The following IRF8 variants were observed in gnomAD, a reference collection of about 807,000 sequenced individuals.
IRF8 encodes interferon consensus sequence binding protein 1.
IRF8 carries 14 observed loss-of-function variants against 48.7 expected under a neutral mutation model. That is an observed-to-expected ratio of 0.29 (90% confidence interval 0.19 to 0.45). IRF8 has a LOEUF of 0.45. Ranked by LOEUF, IRF8 falls within the 20% of genes least tolerant of loss-of-function variation. IRF8 has a pLI of 1.00. For missense variants in IRF8, 493 were observed against 580.7 expected, an observed-to-expected ratio of 0.85 and a Z score of 1.55; for synonymous variants, 278 against 227.3, an observed-to-expected ratio of 1.22 and a Z score of -2.01.
intron 6 of IRF8, among the ~76,000 whole-genome samples, chr16:85,916,389 T>A (rs748408229): frequency 1.3e-5 from 2 of 152,208 alleles, no homozygotes; most frequent in Non-Finnish European, 2.9e-5. Flanking sequence ...CCAGCAAGGC[T>A]GTTCTTGTGG....
At position 85,911,638 on chromosome 16, in the gene IRF8, A is replaced by G. The variant is rs751479059; in HGVS notation, c.427A>G (p.Ile143Val). The change falls in exon 4 of 9, where the codon ATC becomes GTC. Residue 143 changes from isoleucine to valine, a missense_variant. By Grantham distance (29) the Ile-to-Val change is conservative. Transcript: ENST00000268638. ...VTEMECGRSE[I>V]DELIKEPSVD... is the part of the protein sequence containing the mutation. ...AGAGATGGAGTGCGGTCGCTCTGAA[A>G]TCGACGAGCTGATCAAGGAGGTAAG... is the stretch of plus-strand genomic sequence containing the variant. 3 of 1,613,972 alleles carry G rather than the reference A, an allele frequency of 1.9e-6. No homozygotes were observed. The highest frequency in any genetic ancestry group is 1.1e-5 in the South Asian group (1 of 91,068).
chr16:85,901,864 G>T (rs565927336), intron 1 of IRF8, among the ~76,000 whole-genome samples: 3 of 151,894 alleles, frequency 2.0e-5, no homozygotes, highest in African/African-American at 7.2e-5. Context: ...TCTTGTTACT[G>T]CTGATTGTTT....
In IRF8 at chr16:85,902,726, A is replaced by C. The variant is rs1017527470; in HGVS notation, c.-1-289A>C. On this transcript the variant is annotated intron_variant, in intron 1 of 8. Transcript: ENST00000268638. ...TTGTATCTGCCTGAAAGGAAAGGGC[A>C]GATGAAAGCTGGAAGGAGCACAGCC... The C allele has an allele frequency of 2.6e-5, 12 of 461,690 alleles. No individual in the cohort carries two copies. The East Asian group carries it at 5.4e-4, about 21-fold the overall frequency. 28.6% of individuals were successfully genotyped at this position (461,690 alleles called of 1,614,324 possible). A position where few individuals can be genotyped will look rare whatever the true frequency, so the allele number is the denominator to read the frequency against.
rs574337425 is a variant in IRF8 at position 85,916,593 on chromosome 16, C to G, written c.602-1824C>G. Among the ~76,000 whole-genome samples, 5 of 152,312 alleles carry G rather than the reference C, an allele frequency of 3.3e-5. No individual in the cohort carries two copies. The East Asian group carries it at 9.6e-4, about 29-fold the overall frequency. On this transcript the variant is annotated intron_variant, in intron 6 of 8. Coordinates refer to ENST00000268638, the MANE Select transcript of IRF8 (RefSeq NM_002163.4). ...CTAAGACACTCCTGCTTAGGCGTCT[C>G]TGAAGCACTTAGCTGTTCCGGGTGA...
At position 85,921,732 on chromosome 16, in the gene IRF8, C is replaced by G. The variant is rs775000828; in HGVS notation, c.*450C>G. Reference sequence around the variant, plus strand: ...AGTTATAGATTTATGATTTCATAGGCTTGATTCTATGTGAAATATCTTTTT... The same window carrying G: ...AGTTATAGATTTATGATTTCATAGGGTTGATTCTATGTGAAATATCTTTTT... On this transcript the variant is annotated 3_prime_UTR_variant, in exon 9 of 9. Transcript: ENST00000268638. The G allele has an allele frequency of 6.8e-5, 14 of 205,292 alleles. No homozygotes were observed. The highest frequency in any genetic ancestry group is 2.1e-3 in the Middle Eastern group (1 of 478). The allele number at this position is 205,292 out of a possible 1,614,324, so 12.7% of individuals were successfully genotyped here. A position where few individuals can be genotyped will look rare whatever the true frequency, so the allele number is the denominator to read the frequency against.
Position 85,922,266 on chromosome 16 carries a change from G to GA in IRF8, c.*988dup, listed in dbSNP as rs1398588871. ...TGTGAGAGTTTCCGGTTTAAAATCT[G>GA]AAAAGCCAGATATGCCTGTTTCCTT... On this transcript the variant is annotated 3_prime_UTR_variant, in exon 9 of 9. Coordinates refer to ENST00000268638, the MANE Select transcript of IRF8 (RefSeq NM_002163.4). 1 of 152,368 alleles carries GA rather than the reference G, an allele frequency of 6.6e-6. No homozygotes were observed. The highest frequency in any genetic ancestry group is 1.9e-4 in the East Asian group (1 of 5,338). 9.4% of individuals were successfully genotyped at this position (152,368 alleles called of 1,614,324 possible).
rs1905496107 is a variant in IRF8 at position 85,920,187 on chromosome 16, A to G, written c.1067A>G (p.Asp356Gly). ...VVLCFGEEFP[D>G]MAPLRSKLIL... ...CTGTGCTTTGGGGAAGAGTTTCCGGATATGGCCCCCTTGCGCTCCAAACTC... is the reference window on the plus strand; with the variant it reads ...CTGTGCTTTGGGGAAGAGTTTCCGGGTATGGCCCCCTTGCGCTCCAAACTC... The change falls in exon 8 of 9, where the codon GAT becomes GGT. Residue 356 changes from aspartate (D) to glycine (G), a missense_variant. By Grantham distance (94) the Asp-to-Gly change is moderately conservative (BLOSUM62 -1). Coordinates refer to ENST00000268638, the MANE Select transcript of IRF8 (RefSeq NM_002163.4). The G allele has an allele frequency of 2.6e-6, 4 of 1,549,002 alleles. No homozygotes were observed. The highest frequency in any genetic ancestry group is 3.5e-6 in the Non-Finnish European group (4 of 1,140,126).
rs898506692 is a variant in IRF8 at position 85,921,597 on chromosome 16, A to G, written c.*315A>G. The G allele has an allele frequency of 2.0e-4, 76 of 383,092 alleles. No individual in the cohort carries two copies. Among genetic ancestry groups the G allele is most frequent in the Non-Finnish European group, 2.5e-5 (5 of 204,080 alleles). 23.7% of individuals were successfully genotyped at this position (383,092 alleles called of 1,614,324 possible). On this transcript the variant is annotated 3_prime_UTR_variant, in exon 9 of 9. Transcript: ENST00000268638. ...GCATTTTCGGTTAACTATCATTTCCAAAGACTTGTCATTCAGTAATATTAG... is the reference window on the plus strand; with the variant it reads ...GCATTTTCGGTTAACTATCATTTCCGAAGACTTGTCATTCAGTAATATTAG...
rs376705932 is a variant in IRF8 at position 85,914,496 on chromosome 16, A to G, written c.577A>G (p.Thr193Ala). Residue 193 changes from threonine (T) to alanine (A), a missense_variant, in exon 6 of 9, where the codon ACC (threonine) becomes GCC (alanine). Thr to Ala is a moderately conservative substitution (Grantham distance 58). Coordinates refer to ENST00000268638, the MANE Select transcript of IRF8 (RefSeq NM_002163.4). ...STGVPLVTGY[T>A]TYDAHHSAFS... ...AGGCGTGCCGCTGGTGACGGGGTAC[A>G]CCACCTACGACGCGCACCATTCAGG... 15 of 1,613,990 alleles carry G rather than the reference A, an allele frequency of 9.3e-6. No individual in the cohort carries two copies. Among genetic ancestry groups the G allele is most frequent in the East Asian group, 2.2e-5 (1 of 44,880 alleles).
At chr16:85,903,441 T>C in intron 2 of IRF8, 2 of 499,650 alleles carry the variant, frequency 4.0e-6, no homozygotes, top group East Asian at 3.8e-5. Context: ...TTTTCTTCTC[T>C]TTTCTGCTGC....
intron 6 of IRF8, among the ~76,000 whole-genome samples, chr16:85,915,933 C>T (rs1330484284): frequency 6.6e-6 from 1 of 152,044 alleles, no homozygotes; most frequent in African/African-American, 2.4e-5. Flanking sequence ...CCCGCCCCCA[C>T]CTCTATGTAA....
chr16:85,907,032 A>T (rs888645684), intron 2 of IRF8, among the ~76,000 whole-genome samples: 6 of 152,242 alleles, frequency 3.9e-5, no homozygotes, highest in South Asian at 2.1e-4. Flanking sequence ...ACAGCAACAA[A>T]ACCCAAATTA....
chr16:85,921,044 A>AC, intron 8 of IRF8, 62 bp from the exon 9 acceptor site: 1 of 1,521,268 alleles, frequency 6.6e-7, no homozygotes, highest in Non-Finnish European at 8.9e-7. Context: ...AGGGTCAAAG[A>AC]CAGTGCCCAC....
chr16:85,915,612 C>G (rs976444493), intron 6 of IRF8, among the ~76,000 whole-genome samples: 45 of 152,244 alleles, frequency 3.0e-4, no homozygotes, highest in African/African-American at 1.0e-3. Flanking sequence ...AGGCCTCTGG[C>G]TGGAGCCTGT....
chr16:85,905,472 G>T (rs1361754933), intron 2 of IRF8, among the ~76,000 whole-genome samples: 1 of 152,212 alleles, frequency 6.6e-6, no homozygotes, highest in East Asian at 1.9e-4. Flanking sequence ...CGTTGGTTAC[G>T]CAGTCGCCTG....
At chr16:85,918,870 T>C in intron 7 of IRF8, 67 bp downstream of exon 7, 4 of 1,587,874 alleles carry the variant, frequency 2.5e-6, no homozygotes, top group Non-Finnish European at 1.7e-6. Flanking sequence ...GTGTGCCATT[T>C]GCAGCTCAGG....
intron 4 of IRF8, among the ~76,000 whole-genome samples, chr16:85,912,480 C>T (rs1244189602): frequency 6.6e-6 from 1 of 152,172 alleles, no homozygotes; most frequent in Non-Finnish European, 1.5e-5. Context: ...CCTACCCGAA[C>T]GGCCTTGCTC....
Position 85,903,068 on chromosome 16 carries a change from T to C in IRF8, c.53T>C (p.Ile18Thr), listed in dbSNP as rs1173576430. Residue 18 changes from isoleucine to threonine, a missense_variant, in exon 2 of 9, where the codon ATT (isoleucine) becomes ACT (threonine). Physicochemically the swap from Ile to Thr is moderately conservative, Grantham distance 89. This residue lies in a region of IRF8 where 54 missense variants were observed against 59.9 expected (regional missense o/e 0.90). Transcript: ENST00000268638. ...CTTCGACAGTGGCTGATCGAGCAGATTGACAGTAGCATGTATCCAGGACTG... is the reference window on the plus strand; with the variant it reads ...CTTCGACAGTGGCTGATCGAGCAGACTGACAGTAGCATGTATCCAGGACTG... The part of the protein sequence containing the change: ...RRLRQWLIEQ[I>T]DSSMYPGLIW... 6.8e-6 allele frequency: 11 copies of C among 1,614,210 alleles called. No homozygotes were observed. Among genetic ancestry groups the C allele is most frequent in the Non-Finnish European group, 8.5e-6 (10 of 1,180,040 alleles).
intron 2 of IRF8, among the ~76,000 whole-genome samples, chr16:85,906,347 G>T (rs9938084): frequency 0.023 from 3,457 of 152,204 alleles, 130 homozygotes; most frequent in African/African-American, 0.079. Flanking sequence ...CGGCAGGGGT[G>T]GGGGGGCCCT....
Sources: allele counts gnomAD v4.1 joint callset (sites outside exome capture counted in the v4.1 genomes callset), GRCh38; gene constraint gnomAD v4.1.1; regional missense constraint gnomAD v4.1.1; transcripts MANE v1.5; gene names NCBI Gene and HGNC (gene_info 2026-07-23, HGNC 2026-07-21).